Variants in DENND1A observed in about 807,000 individuals in gnomAD.
DENND1A encodes the protein DENN domain containing 1A.
DENND1A carries 51 observed loss-of-function variants against 113.7 expected under a neutral mutation model. The ratio of observed to expected loss-of-function variants is 0.45; its 90% CI spans 0.36 to 0.57. The LOEUF is 0.57. DENND1A is among the 20% of genes least tolerant of loss of function. The probability of loss-of-function intolerance (pLI) is 0.00; values close to 1 mark genes in which losing one functional copy is unlikely to be tolerated. For synonymous variants in DENND1A, 565 were observed against 570.8 expected (o/e 0.99, Z 0.14); for missense variants, 1,258 against 1,395.9 (o/e 0.90, Z 1.57).
chr9:123,520,725 T>C (rs1358600567), intron 13 of DENND1A, among the ~76,000 whole-genome samples: 1 of 152,240 alleles, frequency 6.6e-6, no homozygotes, highest in Non-Finnish European at 1.5e-5. Flanking sequence ...CAATGCTCGA[T>C]AATCAAGTTC....
Position 123,387,762 on chromosome 9 carries a change from G to A in DENND1A, c.1728C>T (p.Thr576=), listed in dbSNP as rs1002428698. 1.3e-5 allele frequency: 17 copies of A among 1,289,802 alleles called. No individual in the cohort carries two copies. Among genetic ancestry groups the A allele is most frequent in the East Asian group, 5.5e-5 (1 of 18,036 alleles). 79.9% of individuals were successfully genotyped at this position (1,289,802 alleles called of 1,614,324 possible). ...QREEGPSSGF[T]ESFFFSAPFE... Reference sequence around the variant, plus strand: ...AGGGAGCGGAGAAGAAAAAGCTCTCGGTGAAGCCAGAGCTCGGGCCCTCTT... The same window carrying A: ...AGGGAGCGGAGAAGAAAAAGCTCTCAGTGAAGCCAGAGCTCGGGCCCTCTT... Residue 576 remains threonine, a synonymous_variant, in exon 22 of 24, where the codon ACC becomes ACT. Transcript: ENST00000394215.
At chr9:123,921,317 T>C (rs1856207975) in intron 1 of DENND1A, among the ~76,000 whole-genome samples, 1 of 152,158 alleles carries the variant, frequency 6.6e-6, no homozygotes, top group Admixed American at 6.5e-5. Context: ...CTTCCATAAA[T>C]ATTATTTTTT....
chr9:123,880,059 C>A (rs1194562870), intron 1 of DENND1A, among the ~76,000 whole-genome samples: 1 of 152,194 alleles, frequency 6.6e-6, no homozygotes, highest in East Asian at 1.9e-4. Flanking sequence ...GTCATCCAGG[C>A]TGAAGTGCAG....
At chr9:123,792,014 C>T (rs1000759607) in intron 3 of DENND1A, among the ~76,000 whole-genome samples, 1 of 152,150 alleles carries the variant, frequency 6.6e-6, no homozygotes, top group African/African-American at 2.4e-5. Flanking sequence ...AAAATCGTTC[C>T]TTCTACCCCA....
chr9:123,723,257 C>T (rs1219672313), intron 5 of DENND1A, among the ~76,000 whole-genome samples: 4 of 152,234 alleles, frequency 2.6e-5, no homozygotes, highest in Non-Finnish European at 5.9e-5. Context: ...TCTGTACCCC[C>T]AGTGTATCCA....
At chr9:123,826,594 C>T (rs1357602517) in intron 2 of DENND1A, among the ~76,000 whole-genome samples, 1 of 152,064 alleles carries the variant, frequency 6.6e-6, no homozygotes, top group Non-Finnish European at 1.5e-5. Context: ...ACCCTTGATT[C>T]TCTTGGCTGA....
intron 21 of DENND1A, among the ~76,000 whole-genome samples, chr9:123,402,947 G>A (rs1300035489): frequency 6.6e-6 from 1 of 152,182 alleles, no homozygotes; most frequent in African/African-American, 2.4e-5. Flanking sequence ...TAAATCCTCC[G>A]GCACAGGTGG....
intron 21 of DENND1A, among the ~76,000 whole-genome samples, chr9:123,389,406 C>T (rs1201360042): frequency 6.6e-6 from 1 of 152,252 alleles, no homozygotes; most frequent in Non-Finnish European, 1.5e-5. Context: ...CGGGGCAAGA[C>T]ACAACTCAGC....
chr9:123,491,012 G>C (rs2133971869), intron 13 of DENND1A, among the ~76,000 whole-genome samples: 1 of 152,352 alleles, frequency 6.6e-6, no homozygotes, highest in East Asian at 1.9e-4. Flanking sequence ...GAGGGACAAT[G>C]ATAAACCAGA....
intron 5 of DENND1A, among the ~76,000 whole-genome samples, chr9:123,688,283 T>C (rs749893376): frequency 9.9e-5 from 15 of 152,200 alleles, no homozygotes; most frequent in Non-Finnish European, 2.1e-4. Context: ...AAAAAATCCC[T>C]GGGAATGGTT....
chr9:123,824,096 G>C (rs1040013556), intron 2 of DENND1A, among the ~76,000 whole-genome samples: 1 of 152,002 alleles, frequency 6.6e-6, no homozygotes, highest in East Asian at 1.9e-4. Flanking sequence ...GAATTATCAA[G>C]GTGATAATTC....
At chr9:123,450,450 C>T (rs913908256) in intron 18 of DENND1A, among the ~76,000 whole-genome samples, 4 of 152,206 alleles carry the variant, frequency 2.6e-5, no homozygotes, top group Non-Finnish European at 5.9e-5. Context: ...GACAGCCCGA[C>T]AGTGGCAACT....
At chr9:123,530,017 C>G (rs150204338) in intron 13 of DENND1A, among the ~76,000 whole-genome samples, 2 of 151,964 alleles carry the variant, frequency 1.3e-5, no homozygotes, top group East Asian at 3.8e-4. Flanking sequence ...CTAAAGAGTT[C>G]GCCAGAACAA....
chr9:123,927,869 A>G (rs890780557), intron 1 of DENND1A, among the ~76,000 whole-genome samples: 7 of 152,230 alleles, frequency 4.6e-5, no homozygotes, highest in Non-Finnish European at 1.0e-4. Context: ...GTCTTCTCCA[A>G]CAACTAGAGG....
chr9:123,821,938 G>A (rs1838549992), intron 2 of DENND1A, among the ~76,000 whole-genome samples: 1 of 152,158 alleles, frequency 6.6e-6, no homozygotes, highest in Non-Finnish European at 1.5e-5. Context: ...AGCATCAAAG[G>A]TTTTCAACTG....
chr9:123,804,944 C>A (rs138515551), intron 2 of DENND1A, among the ~76,000 whole-genome samples: 47 of 152,136 alleles, frequency 3.1e-4, no homozygotes, highest in African/African-American at 1.1e-3. Flanking sequence ...ACAACGTCCT[C>A]CCTTCACCAG....
At chr9:123,533,887 T>C (rs750369662) in intron 13 of DENND1A, among the ~76,000 whole-genome samples, 1 of 152,164 alleles carries the variant, frequency 6.6e-6, no homozygotes, top group Non-Finnish European at 1.5e-5. Flanking sequence ...AGAACCTCAA[T>C]ATATGGGGTC....
rs761819417 is a variant in DENND1A at position 123,380,282 on chromosome 9, A to G, written c.*1150T>C. 2.6e-5 allele frequency: 4 copies of G among 152,538 alleles called. No homozygotes were observed. The highest frequency in any genetic ancestry group is 4.4e-5 in the Non-Finnish European group (3 of 68,050). 9.4% of individuals were successfully genotyped at this position (152,538 alleles called of 1,614,324 possible). Reference sequence around the variant, plus strand: ...AATCCATTTCAAGATTCATCAAATCAATAAGGTAAAAAGGAAAAAGAAAGA... The same window carrying G: ...AATCCATTTCAAGATTCATCAAATCGATAAGGTAAAAAGGAAAAAGAAAGA... On this transcript the variant is annotated 3_prime_UTR_variant, in exon 24 of 24. Coordinates refer to ENST00000394215, the MANE Select transcript of DENND1A (RefSeq NM_001352964.2).
rs1422756940 is a variant in DENND1A at position 123,682,350 on chromosome 9, A to G, written c.303-5561T>C. ...CAGAGCTGCTTGTGTTCATGTCGGG[A>G]CTGATGAGTTTAAAAGTAACATGAC... On this transcript the variant is annotated intron_variant, in intron 5 of 23. Coordinates refer to ENST00000394215, the MANE Select transcript of DENND1A (RefSeq NM_001352964.2). Among the ~76,000 whole-genome samples, 8 of 152,290 alleles carry G rather than the reference A, an allele frequency of 5.3e-5. No individual in the cohort carries two copies. The East Asian group carries it at 1.5e-3, about 29-fold the overall frequency.
Sources: gnomAD v4.1 joint callset for allele counts (sites outside exome capture counted in the v4.1 genomes callset) on GRCh38, gnomAD v4.1.1 for gene constraint, MANE v1.5 for transcripts, NCBI Gene and HGNC (gene_info 2026-07-23, HGNC 2026-07-21) for gene names.